Variants in MYOF observed in about 807,000 individuals in gnomAD.
The protein encoded by MYOF is fer-1-like 3, myoferlin.
MYOF carries 244 observed loss-of-function variants against 284.2 expected under a neutral mutation model. That is an observed-to-expected ratio of 0.86 (90% confidence interval 0.77 to 0.95). The LOEUF (loss-of-function observed/expected upper bound fraction) is 0.95, where lower values mean the gene tolerates loss of function less well. MYOF is among the 40% of genes least tolerant of loss of function. The pLI is 0.00. For synonymous variants in MYOF, 904 were observed against 919.7 expected (o/e 0.98, Z 0.31); for missense variants, 2,496 against 2,560.6 (o/e 0.97, Z 0.54).
At chr10:93,438,926 C>A (rs890033496) in intron 3 of MYOF, among the ~76,000 whole-genome samples, 3 of 152,160 alleles carry the variant, frequency 2.0e-5, no homozygotes, top group African/African-American at 4.8e-5. Context: ...GAGAACCTTG[C>A]GGCTCTTTTC....
At chr10:93,353,501 A>G (rs1844627411) in intron 32 of MYOF, among the ~76,000 whole-genome samples, 1 of 152,182 alleles carries the variant, frequency 6.6e-6, no homozygotes, top group African/African-American at 2.4e-5. Flanking sequence ...GGGTCCAGGG[A>G]TGAAAACACA....
chr10:93,393,117 C>G (rs113326423), intron 16 of MYOF, among the ~76,000 whole-genome samples, 162 bp from the exon 17 acceptor site: 3,086 of 152,178 alleles, frequency 0.02, 104 homozygotes, highest in African/African-American at 0.069. Context: ...GTAATGTATA[C>G]AATTCTCATC....
At chr10:93,331,720 G>GGGGGA (rs1564624245) in intron 43 of MYOF, among the ~76,000 whole-genome samples, 3 of 138,684 alleles carry the variant, frequency 2.2e-5, no homozygotes, top group African/African-American at 7.9e-5. Flanking sequence ...GGGGTGGGGG[G>GGGGGA]TGGGCAGGTG....
chr10:93,342,191 T>C (rs1008217082), intron 38 of MYOF, among the ~76,000 whole-genome samples: 15 of 152,260 alleles, frequency 9.9e-5, no homozygotes, highest in East Asian at 7.7e-4. Context: ...AGCAACAGCA[T>C]AGTTATTTTT....
chr10:93,402,488 T>C (rs892311485), intron 10 of MYOF, 141 bp from the exon 11 acceptor site: 27 of 686,462 alleles, frequency 3.9e-5, no homozygotes, highest in Non-Finnish European at 5.9e-5. Context: ...GTGTCCACTT[T>C]CACGTCTTCT....
chr10:93,428,398 G>A (rs901446983), intron 4 of MYOF, among the ~76,000 whole-genome samples: 5 of 150,594 alleles, frequency 3.3e-5, no homozygotes, highest in African/African-American at 1.2e-4. Context: ...TAGAGACGGG[G>A]TTTCACCATG....
chr10:93,402,726 G>T, intron 10 of MYOF, 134 bp downstream of exon 10: 3 of 764,206 alleles, frequency 3.9e-6, no homozygotes, highest in Non-Finnish European at 6.2e-6. Flanking sequence ...CCCTCATTAA[G>T]AAAATATTTT....
rs79083793 is a variant in MYOF at position 93,435,490 on chromosome 10, C to T, written c.237-3974G>A. 7.2e-5 allele frequency among the ~76,000 whole-genome samples: 11 copies of T among 152,302 alleles called. No homozygotes were observed. In the East Asian group the frequency reaches 1.9e-3, roughly 27 times the overall value. On this transcript the variant is annotated intron_variant, in intron 3 of 53. Coordinates refer to ENST00000359263, the MANE Select transcript of MYOF (RefSeq NM_013451.4). ...AAAACAACTCCTGTTCTATTCATAA[C>T]TCTGTGTCCCCACTTTCTTGAAGTA...
At chr10:93,452,198 A>G in intron 2 of MYOF, 57 bp from the exon 3 acceptor site, 1 of 1,106,540 alleles carries the variant, frequency 9.0e-7, no homozygotes, top group Non-Finnish European at 1.4e-6. Context: ...GAAGGAGCAG[A>G]GATTACACTA....
intron 1 of MYOF, among the ~76,000 whole-genome samples, chr10:93,479,547 G>A (rs4989678): frequency 0.78 from 118,136 of 152,078 alleles, 46,339 homozygotes; most frequent in South Asian, 0.84. Flanking sequence ...ATCCCCTCCA[G>A]CACCTAAGGC....
At chr10:93,360,229 G>T (rs1336070491) in intron 28 of MYOF, among the ~76,000 whole-genome samples, 1 of 152,178 alleles carries the variant, frequency 6.6e-6, no homozygotes, top group African/African-American at 2.4e-5. Flanking sequence ...GTCATTCATG[G>T]TAACTGAGTG....
At chr10:93,450,892 T>C (rs1268586517) in intron 3 of MYOF, among the ~76,000 whole-genome samples, 1 of 152,206 alleles carries the variant, frequency 6.6e-6, no homozygotes, top group East Asian at 1.9e-4. Flanking sequence ...GTATACTTTA[T>C]AAACAATAAC....
chr10:93,415,117 A>G (rs1046857382), intron 5 of MYOF, among the ~76,000 whole-genome samples: 2 of 152,046 alleles, frequency 1.3e-5, no homozygotes, highest in Non-Finnish European at 2.9e-5. Context: ...CAATCTAATG[A>G]GCACACTGCC....
chr10:93,403,623 C>G (rs1163100899), intron 9 of MYOF, among the ~76,000 whole-genome samples: 2 of 152,144 alleles, frequency 1.3e-5, no homozygotes, highest in African/African-American at 2.4e-5. Context: ...ATAGAAGCAC[C>G]CTGAACCTCT....
intron 3 of MYOF, among the ~76,000 whole-genome samples, chr10:93,447,106 C>G (rs1181534226): frequency 2.0e-5 from 3 of 152,114 alleles, no homozygotes; most frequent in Non-Finnish European, 4.4e-5. Context: ...TTAGAAGGAC[C>G]CTCTTAGAAC....
In MYOF at chr10:93,392,844, C is replaced by G. The variant is rs370366154; in HGVS notation, c.1456+73G>C. On this transcript the variant is annotated intron_variant, in intron 17 of 53. Coordinates refer to ENST00000359263, the MANE Select transcript of MYOF (RefSeq NM_013451.4). ...AAATGTCAAAAAAAAGTTCTAAAGA[C>G]AGTCGATACATTCTTAATAAGATAA... 5.6e-5 allele frequency: 78 copies of G among 1,381,654 alleles called. No individual in the cohort carries two copies. In the African/African-American group the frequency reaches 1.0e-3, roughly 18 times the overall value. 85.6% of individuals were successfully genotyped at this position (1,381,654 alleles called of 1,614,324 possible).
intron 45 of MYOF, among the ~76,000 whole-genome samples, chr10:93,327,718 C>A (rs1255079593): frequency 3.9e-5 from 6 of 152,046 alleles, no homozygotes; most frequent in Non-Finnish European, 8.8e-5. Context: ...ATCCCTGATA[C>A]CAAGTCCTCT....
At chr10:93,378,063 T>C (rs1326123016) in intron 21 of MYOF, among the ~76,000 whole-genome samples, 1 of 152,242 alleles carries the variant, frequency 6.6e-6, no homozygotes, top group Non-Finnish European at 1.5e-5. Context: ...ATTTTGTTTC[T>C]AAAATGCTAT....
chr10:93,472,708 G>A (rs758051269), intron 1 of MYOF, among the ~76,000 whole-genome samples: 2 of 152,142 alleles, frequency 1.3e-5, no homozygotes, highest in African/African-American at 2.4e-5. Context: ...TAAATCTTAC[G>A]TTATATGTGT....
Sources: allele counts gnomAD v4.1 joint callset (sites outside exome capture counted in the v4.1 genomes callset), GRCh38; gene constraint gnomAD v4.1.1; transcripts MANE v1.5; gene names NCBI Gene and HGNC (gene_info 2026-07-23, HGNC 2026-07-21).